The following DLGAP2 variants were observed in gnomAD, a reference collection of about 807,000 sequenced individuals.
DLGAP2 encodes disks large-associated protein 2.
Under a neutral mutation model 100.3 loss-of-function variants are expected in DLGAP2, and 26 were observed. That is an observed-to-expected ratio of 0.26 (90% CI 0.19 to 0.36). The LOEUF (loss-of-function observed/expected upper bound fraction) is 0.36, where lower values mean the gene tolerates loss of function less well. Among genes scored for constraint, DLGAP2 ranks in the 10% least tolerant of loss-of-function variants. The probability of loss-of-function intolerance (pLI) is 1.00; values close to 1 mark genes in which losing one functional copy is unlikely to be tolerated. For synonymous variants in DLGAP2, 886 were observed against 630.1 expected, an observed-to-expected ratio of 1.41 and a Z score of -6.08; for missense variants, 1,858 against 1,453.2, an observed-to-expected ratio of 1.28 and a Z score of -4.53.
chr8:939,879 G>T (rs113352790), intron 2 of DLGAP2, among the ~76,000 whole-genome samples: 88 of 151,888 alleles, frequency 5.8e-4, no homozygotes, highest in African/African-American at 1.9e-3. Context: ...CAGGGGCTGG[G>T]GTGCCCACTC....
At chr8:1,084,293 G>A (rs189364312) in intron 2 of DLGAP2, among the ~76,000 whole-genome samples, 29 of 152,150 alleles carry the variant, frequency 1.9e-4, no homozygotes, top group African/African-American at 6.7e-4. Flanking sequence ...ATACTTTATG[G>A]GACATAAACT....
At chr8:1,235,536 A>C (rs1322742983) in intron 2 of DLGAP2, among the ~76,000 whole-genome samples, 3 of 16,328 alleles carry the variant, frequency 1.8e-4, no homozygotes, top group South Asian at 1.5e-3. Context: ...CATCATGTCT[A>C]GTTCTCTCAC....
intron 3 of DLGAP2, among the ~76,000 whole-genome samples, chr8:1,328,860 A>G (rs1801083515): frequency 6.6e-6 from 1 of 152,218 alleles, no homozygotes; most frequent in Admixed American, 6.5e-5. Context: ...TCATGTACAC[A>G]CTTCGGTGGT....
intron 2 of DLGAP2, among the ~76,000 whole-genome samples, chr8:1,252,771 A>T (rs1458587209): frequency 6.6e-6 from 1 of 152,242 alleles, no homozygotes; most frequent in Non-Finnish European, 1.5e-5. Flanking sequence ...GCGCGGCCGG[A>T]TGTGGTGCCT....
At chr8:1,676,727 G>C in intron 11 of DLGAP2, 109 bp downstream of exon 11, 1 of 1,059,472 alleles carries the variant, frequency 9.4e-7, no homozygotes. Context: ...CTGTCCTTGT[G>C]GAAACAGGGC....
At chr8:852,898 G>A (rs988371207) in intron 1 of DLGAP2, among the ~76,000 whole-genome samples, 9 of 150,206 alleles carry the variant, frequency 6.0e-5, no homozygotes, top group African/African-American at 1.7e-4. Flanking sequence ...GGCCGATTCC[G>A]TTATTTCTGC....
At chr8:1,473,680 A>T (rs1798859438) in intron 3 of DLGAP2, among the ~76,000 whole-genome samples, 1 of 152,140 alleles carries the variant, frequency 6.6e-6, no homozygotes, top group African/African-American at 2.4e-5. Context: ...TGTGAATGGC[A>T]GCTCCCATAA....
intron 10 of DLGAP2, among the ~76,000 whole-genome samples, chr8:1,674,499 C>G (rs1039655599): frequency 2.6e-5 from 4 of 152,166 alleles, no homozygotes; most frequent in Non-Finnish European, 2.9e-5. Context: ...AATTTAAGGT[C>G]CTTTGTTTAG....
intron 10 of DLGAP2, among the ~76,000 whole-genome samples, chr8:1,676,287 A>G (rs370565945): frequency 5.9e-5 from 9 of 152,214 alleles, no homozygotes. Flanking sequence ...ATTTGCATAC[A>G]TTTAGAAGAC....
intron 2 of DLGAP2, among the ~76,000 whole-genome samples, chr8:944,914 G>T (rs1230386666): frequency 1.3e-5 from 2 of 152,096 alleles, no homozygotes; most frequent in Admixed American, 6.5e-5. Context: ...TGATCTGGTG[G>T]GTGATAACTG....
intron 4 of DLGAP2, among the ~76,000 whole-genome samples, chr8:1,532,488 G>A: frequency 6.6e-6 from 1 of 151,988 alleles, no homozygotes; most frequent in Non-Finnish European, 1.5e-5. Flanking sequence ...ATTTTCATAT[G>A]GAATACTATA....
At chr8:1,661,600 G>A (rs1472029900) in intron 8 of DLGAP2, among the ~76,000 whole-genome samples, 1 of 152,182 alleles carries the variant, frequency 6.6e-6, no homozygotes, top group Non-Finnish European at 1.5e-5. Flanking sequence ...GGAGCTGTGA[G>A]GAAGAGGCGG....
At position 1,556,564 on chromosome 8, in the gene DLGAP2, C is replaced by G. The variant is rs79744564; in HGVS notation, c.1230+6881C>G. 5.7e-3 allele frequency among the ~76,000 whole-genome samples: 874 copies of G among 152,336 alleles called. 43 individuals are homozygous for G. In the East Asian group the frequency reaches 0.12, roughly 21 times the overall value. On this transcript the variant is annotated intron_variant, in intron 5 of 14. Coordinates refer to ENST00000637795, the MANE Select transcript of DLGAP2 (RefSeq NM_001346810.2). ...CAGACTTGGTGGTCCACATGCAGTA[C>G]TGCTCTGTGAATGATCCTGGAAGGG...
At chr8:823,034 T>C (rs1796612390) in intron 1 of DLGAP2, among the ~76,000 whole-genome samples, 1 of 152,284 alleles carries the variant, frequency 6.6e-6, no homozygotes, top group East Asian at 1.9e-4. Context: ...TGCTTTGCAC[T>C]GATGGAAAGG....
chr8:1,633,249 G>A (rs1478075951), intron 8 of DLGAP2, among the ~76,000 whole-genome samples: 1 of 152,168 alleles, frequency 6.6e-6, no homozygotes, highest in Admixed American at 6.5e-5. Flanking sequence ...TTCTTAGAAT[G>A]AAATCTACTC....
chr8:1,027,823 G>C (rs1381020505), intron 2 of DLGAP2, among the ~76,000 whole-genome samples: 15 of 127,238 alleles, frequency 1.2e-4, no homozygotes, highest in African/African-American at 4.4e-4. Context: ...TATTCTCCAG[G>C]TGGGGTGTCA....
Position 1,568,347 on chromosome 8 carries a change from G to A in DLGAP2, c.1442+2453G>A, listed in dbSNP as rs190153401. ...CAGCAGACACAAATCCACTCTGCCC[G>A]TGGCCCCCATGCCACTGTCCACTCA... On this transcript the variant is annotated intron_variant, in intron 6 of 14. Coordinates refer to ENST00000637795, the MANE Select transcript of DLGAP2 (RefSeq NM_001346810.2). 8.1e-4 allele frequency among the ~76,000 whole-genome samples: 24 copies of A among 29,454 alleles called. 2 individuals are homozygous for A. The highest frequency in any genetic ancestry group is 1.1e-3 in the African/African-American group (6 of 5,220). 19.3% of individuals were successfully genotyped at this position (29,454 alleles called of 152,430 possible). A position where few individuals can be genotyped will look rare whatever the true frequency, so the allele number is the denominator to read the frequency against.
chr8:1,114,941 T>A lies in DLGAP2; in HGVS notation c.74-143910T>A, dbSNP rs148400200. 5.5e-4 allele frequency among the ~76,000 whole-genome samples: 84 copies of A among 152,358 alleles called. No homozygotes were observed. The Middle Eastern group carries it at 0.01, about 19-fold the overall frequency. ...AGAACTTCTTGATTTCTGCCTTAAT[T>A]TCATTATTTACCCAAAGTCATTCAG... On this transcript the variant is annotated intron_variant, in intron 2 of 14. Coordinates refer to ENST00000637795, the MANE Select transcript of DLGAP2 (RefSeq NM_001346810.2).
At chr8:822,646 A>G (rs570656192) in intron 1 of DLGAP2, among the ~76,000 whole-genome samples, 2 of 152,338 alleles carry the variant, frequency 1.3e-5, no homozygotes, top group African/African-American at 2.4e-5. Flanking sequence ...TACTGCCAGA[A>G]TGGAGCTTTT....
Sources: gnomAD v4.1 joint callset for allele counts (sites outside exome capture counted in the v4.1 genomes callset) on GRCh38, gnomAD v4.1.1 for gene constraint, MANE v1.5 for transcripts, NCBI Gene and HGNC (gene_info 2026-07-23, HGNC 2026-07-21) for gene names.